DNAAF8: variants seen among roughly 807,000 people sequenced by gnomAD.
DNAAF8 encodes dynein axonemal assembly factor 8.
A neutral mutation model predicts 54.6 loss-of-function variants in DNAAF8; 61 were observed. The ratio of observed to expected loss-of-function variants is 1.12; its 90% CI spans 0.91 to 1.38. DNAAF8 has a LOEUF of 1.38. Ranked by LOEUF, DNAAF8 falls within the 40% of genes most tolerant of loss-of-function variation. The probability of loss-of-function intolerance (pLI) is 0.00; values close to 1 mark genes in which losing one functional copy is unlikely to be tolerated. For synonymous variants in DNAAF8, 320 were observed against 270.1 expected, an observed-to-expected ratio of 1.18 and a Z score of -1.81; for missense variants, 837 against 665.0, an observed-to-expected ratio of 1.26 and a Z score of -2.85.
At chr16:4,746,271 C>T in intron 6 of DNAAF8, 104 bp from the exon 7 acceptor site, 2 of 1,272,542 alleles carry the variant, frequency 1.6e-6, no homozygotes, top group South Asian at 1.4e-5. Flanking sequence ...AGAGTGGGCA[C>T]TCACTGGGTG....
Position 4,747,454 on chromosome 16 carries a change from C to T in DNAAF8, c.1392C>T (p.Ala464=). The T allele has an allele frequency of 6.2e-7, 1 of 1,613,164 alleles. No homozygotes were observed. Among genetic ancestry groups the T allele is most frequent in the Non-Finnish European group, 8.5e-7 (1 of 1,179,984 alleles). Residue 464 remains alanine, a synonymous_variant, in exon 9 of 10, where the codon GCC becomes GCT. Transcript: ENST00000299320. The part of the protein sequence containing the change: ...SKGPAGGRAQ[A]PEDTAGSRTG... Reference sequence around the variant, plus strand: ...GGCCCGCGGGTGGGAGGGCTCAGGCCCCTGAAGACACAGCTGGATCACGAA... The same window carrying T: ...GGCCCGCGGGTGGGAGGGCTCAGGCTCCTGAAGACACAGCTGGATCACGAA...
At position 4,737,892 on chromosome 16, in the gene DNAAF8, C is replaced by T. The variant is rs774308542; in HGVS notation, c.222C>T (p.Ala74=). 10 of 1,614,184 alleles carry T rather than the reference C, an allele frequency of 6.2e-6. No individual in the cohort carries two copies. The highest frequency in any genetic ancestry group is 3.3e-5 in the South Asian group (3 of 91,088). Residue 74 remains alanine, a synonymous_variant, in exon 3 of 10, where the codon GCC becomes GCT. Coordinates refer to ENST00000299320, the MANE Select transcript of DNAAF8 (RefSeq NM_139170.3). ...CGGAGGAGCTGGCTGAAGATCCTGC[C>T]GATGGCGACAAGTCCAGGGCCTGGG... ...DLSEELAEDP[A]DGDKSRAWVA...
intron 4 of DNAAF8, among the ~76,000 whole-genome samples, chr16:4,742,724 A>C (rs1241380039): frequency 4.6e-5 from 7 of 152,128 alleles, no homozygotes; most frequent in Non-Finnish European, 2.9e-5. Flanking sequence ...GGTCTCAAAA[A>C]CAAAACAAAA....
intron 5 of DNAAF8, among the ~76,000 whole-genome samples, chr16:4,744,428 A>G (rs570676841): frequency 6.6e-6 from 1 of 152,282 alleles, no homozygotes; most frequent in Non-Finnish European, 1.5e-5. Context: ...CACAGAATAC[A>G]CTGCGGCTCG....
chr16:4,746,172 G>C, intron 6 of DNAAF8: 1 of 531,814 alleles, frequency 1.9e-6, no homozygotes, highest in Non-Finnish European at 3.3e-6. Flanking sequence ...TCCATCATGA[G>C]GGACGTTCTG....
At chr16:4,743,403 C>T (rs1596485044) in intron 5 of DNAAF8, 1 of 389,180 alleles carries the variant, frequency 2.6e-6, no homozygotes, top group Non-Finnish European at 4.6e-6. Flanking sequence ...GGAGAGGCCT[C>T]CGCACCCCAC....
rs1475889370 is a variant in DNAAF8 at position 4,747,540 on chromosome 16, C to A, written c.1478C>A (p.Pro493Gln). 3 of 1,612,730 alleles carry A rather than the reference C, an allele frequency of 1.9e-6. No individual in the cohort carries two copies. Among genetic ancestry groups the A allele is most frequent in the Admixed American group, 1.7e-5 (1 of 59,944 alleles). The change falls in exon 9 of 10, where the codon CCA becomes CAA. Residue 493 changes from proline to glutamine, a missense_variant. Physicochemically the swap from Pro to Gln is moderately conservative, Grantham distance 76. Coordinates refer to ENST00000299320, the MANE Select transcript of DNAAF8 (RefSeq NM_139170.3). ...GGGCAGAGCGCCCAGGCTCGACTCCCAAGAGGCAGGCCCAGAGCCCTGGGG... is the reference window on the plus strand; with the variant it reads ...GGGCAGAGCGCCCAGGCTCGACTCCAAAGAGGCAGGCCCAGAGCCCTGGGG... ...AKGQSAQARL[P>Q]RGRPRALGDV...
rs768011687 is a variant in DNAAF8, at chr16:4,746,460, A to G, written c.1129A>G (p.Ile377Val). 3 of 1,613,746 alleles carry G rather than the reference A, an allele frequency of 1.9e-6. No homozygotes were observed. In the Admixed American group the frequency reaches 5.0e-5, roughly 27 times the overall value. The change falls in exon 7 of 10, where the codon ATC (isoleucine) becomes GTC (valine). Residue 377 changes from isoleucine to valine, a missense_variant. Coordinates refer to ENST00000299320, the MANE Select transcript of DNAAF8 (RefSeq NM_139170.3). ...GAGGCTTAACGCAGAGTCCCCCACC[A>G]TCTTTATTGACCTGCGGCAGATGGA... ...GMRLNAESPTIFIDLRQMELP... is the reference protein window; with the variant it reads ...GMRLNAESPTVFIDLRQMELP...
chr16:4,736,729 C>T, intron 2 of DNAAF8, 86 bp downstream of exon 2: 1 of 1,296,284 alleles, frequency 7.7e-7, no homozygotes, highest in African/African-American at 1.5e-5. Flanking sequence ...GAGCACTTCT[C>T]TGAAGACTTT....
chr16:4,742,767 GACA>G lies in DNAAF8; in HGVS notation c.784-273_784-271del, dbSNP rs914781526. ...ACAATACAGGGTTTCCTTCGGGTCA[GACA>G]ACGTCTTTGTGCCAAAAACAAAAGT... On this transcript the variant is annotated intron_variant, in intron 4 of 9. Coordinates refer to ENST00000299320, the MANE Select transcript of DNAAF8 (RefSeq NM_139170.3). Among the ~76,000 whole-genome samples the G allele has an allele frequency of 1.7e-4, 26 of 152,050 alleles. No homozygotes were observed. The East Asian group carries it at 2.3e-3, about 14-fold the overall frequency.
Position 4,736,519 on chromosome 16 carries a change from C to A in DNAAF8, c.5C>A (p.Ala2Glu). 6.5e-7 allele frequency: 1 copy of A among 1,550,138 alleles called. No individual in the cohort carries two copies. The highest frequency in any genetic ancestry group is 8.8e-7 in the Non-Finnish European group (1 of 1,139,952). The part of the protein sequence containing the change: M[A>E]SNDKGMAPSL... ...CATCTGGAAGCCTGGGCCCTCATGGCATCCAACGATAAAGGCATGGCACCC... is the reference window on the plus strand; with the variant it reads ...CATCTGGAAGCCTGGGCCCTCATGGAATCCAACGATAAAGGCATGGCACCC... The change falls in exon 2 of 10, where the codon GCA becomes GAA. Residue 2 changes from alanine to glutamate, a missense_variant. Coordinates refer to ENST00000299320, the MANE Select transcript of DNAAF8 (RefSeq NM_139170.3).
chr16:4,741,024 T>G (rs187212771), intron 4 of DNAAF8, among the ~76,000 whole-genome samples: 2 of 145,746 alleles, frequency 1.4e-5, no homozygotes, highest in African/African-American at 5.1e-5. Flanking sequence ...AAAAAAGAAA[T>G]CATCCTGGCT....
intron 4 of DNAAF8, among the ~76,000 whole-genome samples, chr16:4,742,282 C>A (rs1046016979): frequency 3.9e-5 from 6 of 152,070 alleles, no homozygotes; most frequent in African/African-American, 1.5e-4. Context: ...TGGCTGGGCT[C>A]GGTGGCTTAT....
chr16:4,747,427 G>C lies in DNAAF8; in HGVS notation c.1365G>C (p.Lys455Asn). Residue 455 changes from lysine to asparagine, a missense_variant, in exon 9 of 10, where the codon AAG (lysine) becomes AAC (asparagine). Lys to Asn is a moderately conservative substitution (Grantham distance 94). Transcript: ENST00000299320. ...GTAQPELPAS[K>N]GPAGGRAQAP... ...CCCAGCCCGAGCTGCCTGCCAGCAA[G>C]GGGCCCGCGGGTGGGAGGGCTCAGG... The C allele has an allele frequency of 6.2e-7, 1 of 1,613,030 alleles. No homozygotes were observed. The highest frequency in any genetic ancestry group is 8.5e-7 in the Non-Finnish European group (1 of 1,179,914).
At chr16:4,735,185 A>T (rs1019706778) in intron 1 of DNAAF8, 19 of 151,982 alleles carry the variant, frequency 1.3e-4, no homozygotes, top group African/African-American at 4.3e-4. Flanking sequence ...TCCCTCCCCT[A>T]TTGTCTTGTC....
chr16:4,746,143 AC>A, intron 6 of DNAAF8: 2 of 467,516 alleles, frequency 4.3e-6, no homozygotes, highest in Non-Finnish European at 7.5e-6. Context: ...GGCTACACTT[AC>A]CACAGATAGA....
At chr16:4,745,679 G>A (rs1451884480) in intron 6 of DNAAF8, among the ~76,000 whole-genome samples, 1 of 152,202 alleles carries the variant, frequency 6.6e-6, no homozygotes, top group Non-Finnish European at 1.5e-5. Flanking sequence ...GGCTGGGCGC[G>A]GTGGCTCATG....
At chr16:4,746,878 A>G in intron 7 of DNAAF8, 49 bp from the exon 8 acceptor site, 1 of 1,470,422 alleles carries the variant, frequency 6.8e-7, no homozygotes, top group South Asian at 1.3e-5. Flanking sequence ...CAAGAGTTGG[A>G]ACACCAGGTG....
At position 4,740,258 on chromosome 16, in the gene DNAAF8, GAA is replaced by G; in HGVS notation, c.384_385del (p.Ser129LeufsTer3). ...AGGAAGAGACCCTGGCAGGCCTTTT[GAA>G]AGCTCTGGTGAGGTCAGCGCTCTTC... ...QEGRDPGRPF[E>X]SSGEVSALLG... On this transcript the variant is annotated frameshift_variant, in exon 4 of 10. Transcript: ENST00000299320. LOFTEE classifies it high-confidence loss of function. 6.2e-7 allele frequency: 1 copy of G among 1,614,066 alleles called. No homozygotes were observed. Among genetic ancestry groups the G allele is most frequent in the Non-Finnish European group, 8.5e-7 (1 of 1,179,994 alleles).
Sources: gnomAD v4.1 joint callset for allele counts (sites outside exome capture counted in the v4.1 genomes callset) on GRCh38, gnomAD v4.1.1 for gene constraint, MANE v1.5 for transcripts, NCBI Gene and HGNC (gene_info 2026-07-23, HGNC 2026-07-21) for gene names.